NCOA1: variants seen among roughly 807,000 people sequenced by gnomAD.
NCOA1 encodes Hin-2 protein.
In NCOA1, 35 loss-of-function variants were observed where a neutral mutation model predicts 150.9. The observed-to-expected ratio is 0.23, with a 90% CI of 0.18 to 0.31. The LOEUF (loss-of-function observed/expected upper bound fraction) is 0.31. NCOA1 is among the 10% of genes least tolerant of loss of function. NCOA1 has a pLI of 1.00. For missense variants in NCOA1, 1,491 were observed against 1,749.3 expected (o/e 0.85, Z 2.63); for synonymous variants, 590 against 630.0 (o/e 0.94, Z 0.95).
At chr2:24,613,751 G>T (rs1668744108) in intron 3 of NCOA1, among the ~76,000 whole-genome samples, 1 of 152,110 alleles carries the variant, frequency 6.6e-6, no homozygotes, top group East Asian at 1.9e-4. Context: ...GGCAGAGAGT[G>T]CCCTGCTTTA....
At chr2:24,509,263 C>T (rs1040308786) in intron 1 of NCOA1, among the ~76,000 whole-genome samples, 1 of 152,224 alleles carries the variant, frequency 6.6e-6, no homozygotes, top group East Asian at 1.9e-4. Context: ...TTAAAGTGTC[C>T]AAGGCCACAT....
At chr2:24,660,062 CAGCTCAGAG>C (rs1360852909) in intron 5 of NCOA1, among the ~76,000 whole-genome samples, 3 of 152,140 alleles carry the variant, frequency 2.0e-5, no homozygotes, top group Admixed American at 6.6e-5. Flanking sequence ...TTATCTTACT[CAGCTCAGAG>C]AGCTGTCAGA....
chr2:24,731,037 CAAAAAAAAAA>C (rs202108180), intron 17 of NCOA1, among the ~76,000 whole-genome samples: 2 of 61,478 alleles, frequency 3.3e-5, no homozygotes, highest in African/African-American at 1.2e-4. Flanking sequence ...GACTCTGTCT[CAAAAAAAAAA>C]AAAAAAAAGC....
In NCOA1 at chr2:24,758,171, C is replaced by G. The variant is rs760158976; in HGVS notation, c.4065+15C>G. 6.3e-7 allele frequency: 1 copy of G among 1,596,992 alleles called. No homozygotes were observed. The highest frequency in any genetic ancestry group is 1.1e-5 in the South Asian group (1 of 89,288). ...GCCCTGAGCAGGTAAGTGGCACACT[C>G]GCCACACACATGCCACACCACATCA... On this transcript the variant is annotated intron_variant, in intron 21 of 22. Transcript: ENST00000348332.
chr2:24,562,274 T>C lies in NCOA1; in HGVS notation c.-395-2021T>C, dbSNP rs549269836. Reference sequence around the variant, plus strand: ...TTGAAAATCTGAAATCTGAAATGCTTCACATTACAAAACTTTTTGAATGCT... The same window carrying C: ...TTGAAAATCTGAAATCTGAAATGCTCCACATTACAAAACTTTTTGAATGCT... On this transcript the variant is annotated intron_variant, in intron 1 of 22. Transcript: ENST00000348332. 2.4e-4 allele frequency among the ~76,000 whole-genome samples: 36 copies of C among 152,312 alleles called. No homozygotes were observed. In the South Asian group the frequency reaches 3.9e-3, roughly 17 times the overall value.
intron 3 of NCOA1, among the ~76,000 whole-genome samples, chr2:24,617,678 G>C (rs1367015247): frequency 6.6e-6 from 1 of 152,036 alleles, no homozygotes; most frequent in Non-Finnish European, 1.5e-5. Flanking sequence ...ATAAACTCAG[G>C]CTTGGCTAAA....
chr2:24,758,197 C>T (rs778026876), intron 21 of NCOA1, 41 bp downstream of exon 21: 7 of 1,512,856 alleles, frequency 4.6e-6, no homozygotes, highest in Non-Finnish European at 5.4e-6. Flanking sequence ...CACCACATCA[C>T]AGTTAATTCT....
chr2:24,691,364 C>CT (rs1347307889), intron 8 of NCOA1, 117 bp from the exon 9 acceptor site: 1 of 872,128 alleles, frequency 1.1e-6, no homozygotes, highest in Admixed American at 2.2e-5. Context: ...AGAGGTCAGT[C>CT]TGTCTTTTAA....
In NCOA1 at chr2:24,563,100, G is replaced by A. The variant is rs191111416; in HGVS notation, c.-395-1195G>A. ...TGGTCAGTGATGGTCAGTGATGAGA[G>A]TTGGCCAGTGAGTGGTCAGAGTTGG... is the stretch of plus-strand genomic sequence containing the variant. On this transcript the variant is annotated intron_variant, in intron 1 of 22. Coordinates refer to ENST00000348332, the MANE Select transcript of NCOA1 (RefSeq NM_003743.5). Among the ~76,000 whole-genome samples, 89 of 152,322 alleles carry A rather than the reference G, an allele frequency of 5.8e-4. 1 individual carries two copies. Among genetic ancestry groups the A allele is most frequent in the African/African-American group, 2.0e-3 (84 of 41,572 alleles).
At chr2:24,612,903 A>G (rs1469279258) in intron 3 of NCOA1, among the ~76,000 whole-genome samples, 1 of 152,046 alleles carries the variant, frequency 6.6e-6, no homozygotes, top group Non-Finnish European at 1.5e-5. Context: ...CATTTTGGTT[A>G]GGGGCCATTG....
intron 1 of NCOA1, among the ~76,000 whole-genome samples, chr2:24,513,917 G>T (rs1307066048): frequency 6.6e-6 from 1 of 152,120 alleles, no homozygotes; most frequent in East Asian, 1.9e-4. Context: ...TTCTGATACT[G>T]TGTGGCTCAG....
At chr2:24,559,817 A>C (rs1666224904) in intron 1 of NCOA1, among the ~76,000 whole-genome samples, 1 of 152,048 alleles carries the variant, frequency 6.6e-6, no homozygotes, top group South Asian at 2.1e-4. Flanking sequence ...TCCTAGCAAC[A>C]TTGTATCTTT....
intron 8 of NCOA1, among the ~76,000 whole-genome samples, chr2:24,690,338 A>G (rs1297549345): frequency 1.3e-5 from 2 of 152,080 alleles, no homozygotes; most frequent in African/African-American, 4.8e-5. Context: ...AGTTTAAGGT[A>G]GGAAAACGTT....
chr2:24,642,026 G>A (rs1670244028), intron 3 of NCOA1, among the ~76,000 whole-genome samples: 1 of 142,224 alleles, frequency 7.0e-6, no homozygotes, highest in Admixed American at 6.9e-5. Flanking sequence ...GTGTGTGTGT[G>A]TGTGTGTGTG....
intron 1 of NCOA1, among the ~76,000 whole-genome samples, chr2:24,522,045 AT>A (rs1664438190): frequency 6.6e-6 from 1 of 151,812 alleles, no homozygotes; most frequent in Non-Finnish European, 1.5e-5. Context: ...TATATATTTT[AT>A]TGTTTGCCTC....
intron 3 of NCOA1, among the ~76,000 whole-genome samples, chr2:24,639,718 C>T (rs891218846): frequency 7.9e-5 from 12 of 151,210 alleles, no homozygotes; most frequent in African/African-American, 2.4e-4. Context: ...GAAACCCCAT[C>T]TCTACTAAAA....
At chr2:24,573,626 T>G (rs1666827954) in intron 2 of NCOA1, among the ~76,000 whole-genome samples, 1 of 152,078 alleles carries the variant, frequency 6.6e-6, no homozygotes, top group Admixed American at 6.5e-5. Flanking sequence ...TTTCCAGTTT[T>G]CCAGTCAATG....
intron 3 of NCOA1, among the ~76,000 whole-genome samples, chr2:24,624,254 C>A (rs1162532430): frequency 6.6e-6 from 1 of 152,086 alleles, no homozygotes; most frequent in Non-Finnish European, 1.5e-5. Flanking sequence ...ATTAATTAAA[C>A]CTCTTTGGGT....
In NCOA1 at chr2:24,707,580, A is replaced by G. The variant is rs2148596057; in HGVS notation, c.2110A>G (p.Thr704Ala). The change falls in exon 13 of 23, where the codon ACT (threonine) becomes GCT (alanine). Residue 704 changes from threonine (T) to alanine (A), a missense_variant. Physicochemically the swap from Thr to Ala is moderately conservative, Grantham distance 58. This residue lies in a region of NCOA1 where 703 missense variants were observed against 717.7 expected (regional missense o/e 0.98). Coordinates refer to ENST00000348332, the MANE Select transcript of NCOA1 (RefSeq NM_003743.5). ...GGAGGGTAGCCCCTCAGATATCACC[A>G]CTTTGTCTGTCGAGCCTGATAAAAA... is the stretch of plus-strand genomic sequence containing the variant. The part of the protein sequence containing the change: ...LQEGSPSDIT[T>A]LSVEPDKKDS... 1.2e-6 allele frequency: 2 copies of G among 1,614,078 alleles called. No homozygotes were observed. The highest frequency in any genetic ancestry group is 1.6e-4 in the Middle Eastern group (1 of 6,062).
Sources: gnomAD v4.1 joint callset for allele counts (sites outside exome capture counted in the v4.1 genomes callset) on GRCh38, gnomAD v4.1.1 for gene constraint, gnomAD v4.1.1 regional missense constraint, MANE v1.5 for transcripts, NCBI Gene and HGNC (gene_info 2026-07-23, HGNC 2026-07-21) for gene names.